The following RPP30 variants were observed in gnomAD, a reference collection of about 807,000 sequenced individuals.
The protein encoded by RPP30 is ribonuclease P protein subunit p30.
RPP30 carries 36 observed loss-of-function variants against 38.6 expected under a neutral mutation model. The ratio of observed to expected loss-of-function variants is 0.93; its 90% CI spans 0.71 to 1.23. The LOEUF is 1.23. RPP30 is among the 50% of genes most tolerant of loss of function. RPP30 has a pLI of 0.00. For synonymous variants in RPP30, 126 were observed against 112.7 expected (o/e 1.12, Z -0.75); for missense variants, 321 against 321.7 (o/e 1.00, Z 0.02).
chr10:90,877,104 G>C lies in RPP30; in HGVS notation c.270+1006G>C, dbSNP rs1020163193. Among the ~76,000 whole-genome samples, 3 of 152,144 alleles carry C rather than the reference G, an allele frequency of 2.0e-5. No individual in the cohort carries two copies. The East Asian group carries it at 5.8e-4, about 29-fold the overall frequency. ...AGGCAGGCAGATCACTTGAGGTCAG[G>C]AGTTCAAGACCAGCCTGGTGAAAGT... is the stretch of plus-strand genomic sequence containing the variant. On this transcript the variant is annotated intron_variant, in intron 4 of 10. Coordinates refer to ENST00000371703, the MANE Select transcript of RPP30 (RefSeq NM_006413.5).
chr10:90,878,258 G>A (rs1037541002), intron 4 of RPP30, among the ~76,000 whole-genome samples: 1 of 152,088 alleles, frequency 6.6e-6, no homozygotes, highest in Non-Finnish European at 1.5e-5. Context: ...CCTCTTACCT[G>A]CTCAAGCACA....
At chr10:90,876,613 A>G (rs1846855468) in intron 4 of RPP30, among the ~76,000 whole-genome samples, 3 of 152,184 alleles carry the variant, frequency 2.0e-5, no homozygotes, top group African/African-American at 7.2e-5. Context: ...CCCAGATAGG[A>G]TGGATTATGC....
intron 5 of RPP30, among the ~76,000 whole-genome samples, chr10:90,881,164 CA>C (rs1846923154): frequency 6.6e-6 from 1 of 152,166 alleles, no homozygotes; most frequent in African/African-American, 2.4e-5. Flanking sequence ...ATTAGAGAAA[CA>C]AAAGAAGGTA....
chr10:90,903,017 A>C (rs1847220434), downstream of RPP30, among the ~76,000 whole-genome samples: 1 of 152,244 alleles, frequency 6.6e-6, no homozygotes, highest in South Asian at 2.1e-4. Flanking sequence ...TATTGGGGGC[A>C]AATGAAAAAT....
At position 90,901,546 on chromosome 10, in the gene RPP30, C is replaced by T. The variant is rs1246783106; in HGVS notation, c.*867C>T. The T allele has an allele frequency of 2.0e-6, 2 of 985,148 alleles. No homozygotes were observed. The highest frequency in any genetic ancestry group is 2.4e-6 in the Non-Finnish European group (2 of 829,878). The allele number at this position is 985,148 out of a possible 1,614,324, so 61.0% of individuals were successfully genotyped here. ...ACGTAAGGTCTTTGAAATAGGATTC[C>T]TTACTTTTAGTTAGAAACCCCTAAA... On this transcript the variant is annotated 3_prime_UTR_variant, in exon 11 of 11. Transcript: ENST00000371703.
chr10:90,890,060 A>G (rs1206757036), intron 6 of RPP30, among the ~76,000 whole-genome samples: 2 of 152,366 alleles, frequency 1.3e-5, no homozygotes, highest in African/African-American at 2.4e-5. Flanking sequence ...TTATCTCCAT[A>G]TGCAGGTAAT....
intron 2 of RPP30, 23 bp from the exon 3 acceptor site, chr10:90,875,535 T>G: frequency 6.2e-7 from 1 of 1,602,164 alleles, no homozygotes. Context: ...CAATCTGCAG[T>G]AACTATTTAT....
downstream of RPP30, chr10:90,903,212 C>CA (rs769952301): frequency 5.6e-6 from 9 of 1,604,492 alleles, no homozygotes; most frequent in African/African-American, 1.3e-5. Context: ...TCAACAAAGA[C>CA]AACTTTTGAT....
chr10:90,901,654 A>T lies in RPP30; in HGVS notation c.*975A>T. ...CCAACTTTGGAAATAATTTATTTTT[A>T]TAATGGGATCATGTTAAGTAGAAGT... On this transcript the variant is annotated 3_prime_UTR_variant, in exon 11 of 11. Coordinates refer to ENST00000371703, the MANE Select transcript of RPP30 (RefSeq NM_006413.5). 3 of 985,066 alleles carry T rather than the reference A, an allele frequency of 3.0e-6. No individual in the cohort carries two copies. Among genetic ancestry groups the T allele is most frequent in the Non-Finnish European group, 3.6e-6 (3 of 829,590 alleles). The allele number at this position is 985,066 out of a possible 1,614,324, so 61.0% of individuals were successfully genotyped here. A position where few individuals can be genotyped will look rare whatever the true frequency, so the allele number is the denominator to read the frequency against.
chr10:90,901,437 A>G lies in RPP30; in HGVS notation c.*758A>G, dbSNP rs78755283. 3,974 of 985,012 alleles carry G rather than the reference A, an allele frequency of 4.0e-3. 11 individuals carry two copies. Among genetic ancestry groups the G allele is most frequent in the Middle Eastern group, 9.4e-3 (18 of 1,912 alleles). 61.0% of individuals were successfully genotyped at this position (985,012 alleles called of 1,614,324 possible). A position where few individuals can be genotyped will look rare whatever the true frequency, so the allele number is the denominator to read the frequency against. On this transcript the variant is annotated 3_prime_UTR_variant, in exon 11 of 11. Transcript: ENST00000371703. ...TGTATTCAAATCAGCATTTTTTTCT[A>G]AGAAATTGCTATAGAATTTGTGGAA...
At chr10:90,893,231 G>A (rs1468861862) in intron 6 of RPP30, among the ~76,000 whole-genome samples, 9 of 152,140 alleles carry the variant, frequency 5.9e-5, no homozygotes, top group African/African-American at 2.2e-4. Context: ...AAAGCAGAAG[G>A]GGCCTTCAAG....
Position 90,872,028 on chromosome 10 carries a change from C to T in RPP30, c.42C>T (p.Asp14=), listed in dbSNP as rs764085159. 21 of 1,614,184 alleles carry T rather than the reference C, an allele frequency of 1.3e-5. No individual in the cohort carries two copies. Among genetic ancestry groups the T allele is most frequent in the Non-Finnish European group, 1.1e-5 (13 of 1,180,036 alleles). ...ATTTGGACCTGCGAGCGGGTTCTGA[C>T]CTGAAGGCTCTGCGCGGACTTGTGG... is the stretch of plus-strand genomic sequence containing the variant. ...FADLDLRAGS[D]LKALRGLVET... Residue 14 remains aspartate (D), a synonymous_variant, in exon 1 of 11, where the codon GAC becomes GAT. Coordinates refer to ENST00000371703, the MANE Select transcript of RPP30 (RefSeq NM_006413.5).
chr10:90,876,752 A>C (rs910923986), intron 4 of RPP30, among the ~76,000 whole-genome samples: 2 of 152,220 alleles, frequency 1.3e-5, no homozygotes, highest in Non-Finnish European at 2.9e-5. Flanking sequence ...TTCCAAGAGC[A>C]GTTGGAAGCC....
intron 6 of RPP30, among the ~76,000 whole-genome samples, chr10:90,886,409 C>T (rs966051144): frequency 3.3e-5 from 5 of 152,160 alleles, no homozygotes; most frequent in Non-Finnish European, 5.9e-5. Flanking sequence ...ATAGGATGGC[C>T]ATGTGTTCAG....
chr10:90,903,230 C>G (rs1322726788), downstream of RPP30: 1 of 1,607,232 alleles, frequency 6.2e-7, no homozygotes, highest in Non-Finnish European at 8.5e-7. Flanking sequence ...GATCTCTCAT[C>G]AGAGAGATCA....
At chr10:90,904,798 TGA>T (rs1378370588), downstream of RPP30, among the ~76,000 whole-genome samples, 1 of 152,136 alleles carries the variant, frequency 6.6e-6, no homozygotes, top group African/African-American at 2.4e-5. Flanking sequence ...GGCGACAGAA[TGA>T]GACTCTGTCT....
At chr10:90,881,991 GTC>G (rs748310826) in intron 5 of RPP30, among the ~76,000 whole-genome samples, 101 of 152,218 alleles carry the variant, frequency 6.6e-4, no homozygotes, top group South Asian at 1.5e-3. Flanking sequence ...TCCGGAAGAT[GTC>G]TCATAGAAAC....
At chr10:90,897,746 T>G (rs1847157007) in intron 10 of RPP30, among the ~76,000 whole-genome samples, 1 of 152,192 alleles carries the variant, frequency 6.6e-6, no homozygotes, top group African/African-American at 2.4e-5. Flanking sequence ...CTTTAAGAAC[T>G]CAGCTATTCA....
At chr10:90,902,564 A>G (rs1031025885), downstream of RPP30, among the ~76,000 whole-genome samples, 1 of 152,154 alleles carries the variant, frequency 6.6e-6, no homozygotes, top group Admixed American at 6.6e-5. Flanking sequence ...TATCATATTC[A>G]TAGGTCAAAA....
Sources: gnomAD v4.1 joint callset for allele counts (sites outside exome capture counted in the v4.1 genomes callset) on GRCh38, gnomAD v4.1.1 for gene constraint, MANE v1.5 for transcripts, NCBI Gene and HGNC (gene_info 2026-07-23, HGNC 2026-07-21) for gene names.